Variants in KATNIP observed in about 807,000 individuals in gnomAD.
KATNIP encodes the protein katanin-interacting protein.
A neutral mutation model predicts 174.0 loss-of-function variants in KATNIP; 126 were observed. That is an observed-to-expected ratio of 0.72 (90% CI 0.63 to 0.84). The LOEUF is 0.84. KATNIP is among the 40% of genes least tolerant of loss of function. The pLI, the probability that KATNIP is intolerant of heterozygous loss-of-function variation, is 0.00. For synonymous variants in KATNIP, 810 were observed against 835.7 expected (o/e 0.97, Z 0.53); for missense variants, 1,958 against 2,109.7 (o/e 0.93, Z 1.41).
At chr16:27,589,396 C>T (rs1012539709) in intron 2 of KATNIP, among the ~76,000 whole-genome samples, 2 of 152,194 alleles carry the variant, frequency 1.3e-5, no homozygotes, top group African/African-American at 4.8e-5. Flanking sequence ...CAAAAGCAGC[C>T]ATAGTCAATA....
chr16:27,581,805 A>G (rs2090709368), intron 2 of KATNIP, among the ~76,000 whole-genome samples: 1 of 152,018 alleles, frequency 6.6e-6, no homozygotes. Context: ...TTGCATCCTC[A>G]TAGCTTAGCT....
At chr16:27,657,539 C>A (rs2077338027) in intron 6 of KATNIP, among the ~76,000 whole-genome samples, 1 of 151,322 alleles carries the variant, frequency 6.6e-6, no homozygotes, top group Admixed American at 6.6e-5. Flanking sequence ...CCAGCCTGGC[C>A]AACATGGCAA....
At chr16:27,660,873 A>G (rs537718899) in intron 6 of KATNIP, among the ~76,000 whole-genome samples, 2 of 152,262 alleles carry the variant, frequency 1.3e-5, no homozygotes, top group African/African-American at 4.8e-5. Flanking sequence ...TCTAAGCTTC[A>G]TGATAGCAGA....
intron 2 of KATNIP, among the ~76,000 whole-genome samples, chr16:27,593,585 G>T (rs1334883418): frequency 6.6e-6 from 1 of 152,006 alleles, no homozygotes; most frequent in Non-Finnish European, 1.5e-5. Flanking sequence ...AGGCTGGAAT[G>T]CAGTGGCATG....
At chr16:27,698,124 C>CT (rs373732782) in intron 8 of KATNIP, among the ~76,000 whole-genome samples, 237 of 152,316 alleles carry the variant, frequency 1.6e-3, no homozygotes, top group African/African-American at 4.9e-3. Flanking sequence ...GACCAAGTCC[C>CT]CCCAGGGCCA....
chr16:27,742,950 C>T (rs758742579), intron 15 of KATNIP, among the ~76,000 whole-genome samples: 14 of 152,050 alleles, frequency 9.2e-5, no homozygotes, highest in East Asian at 7.7e-4. Flanking sequence ...CCTATCAACC[C>T]GTCACCTAGG....
At chr16:27,660,026 G>A (rs2077419898) in intron 6 of KATNIP, 1 of 983,344 alleles carries the variant, frequency 1.0e-6, no homozygotes, top group Admixed American at 6.2e-5. Context: ...GTCGGAGTTT[G>A]CGAGTCTTGT....
At chr16:27,562,180 G>A (rs2089909558) in intron 1 of KATNIP, among the ~76,000 whole-genome samples, 1 of 152,162 alleles carries the variant, frequency 6.6e-6, no homozygotes, top group African/African-American at 2.4e-5. Context: ...GGTGGCACAT[G>A]CCTGTAGTCC....
rs1329963991 is a variant in KATNIP at position 27,659,965 on chromosome 16, C to T, written c.540+11230C>T. The T allele has an allele frequency of 6.1e-6, 6 of 982,594 alleles. No individual in the cohort carries two copies. In the Admixed American group the frequency reaches 1.8e-4, roughly 30 times the overall value. 60.9% of individuals were successfully genotyped at this position (982,594 alleles called of 1,614,324 possible). A position where few individuals can be genotyped will look rare whatever the true frequency, so the allele number is the denominator to read the frequency against. On this transcript the variant is annotated intron_variant, in intron 6 of 27. Coordinates refer to ENST00000261588, the MANE Select transcript of KATNIP (RefSeq NM_015202.5). Reference sequence around the variant, plus strand: ...GGCCTGGTCCCCACTACCTATTGTACAACACTGTGGTTTATTTGATAGTTT... The same window carrying T: ...GGCCTGGTCCCCACTACCTATTGTATAACACTGTGGTTTATTTGATAGTTT...
At chr16:27,624,684 G>A (rs2076283918) in intron 3 of KATNIP, among the ~76,000 whole-genome samples, 1 of 152,104 alleles carries the variant, frequency 6.6e-6, no homozygotes, top group Non-Finnish European at 1.5e-5. Context: ...GCCGGGTGTG[G>A]TGGCACGCAC....
At chr16:27,718,116 T>C (rs1266991398) in intron 13 of KATNIP, 10 of 152,264 alleles carry the variant, frequency 6.6e-5, no homozygotes, top group Admixed American at 6.5e-4. Flanking sequence ...AATGAATTAA[T>C]GCATGAAAGA....
chr16:27,693,962 G>C (rs755912448), intron 8 of KATNIP, among the ~76,000 whole-genome samples: 1 of 152,204 alleles, frequency 6.6e-6, no homozygotes, highest in African/African-American at 2.4e-5. Context: ...ATAAGGCAAG[G>C]ATTGTCTGGA....
At chr16:27,705,241 T>G (rs1167445264) in intron 12 of KATNIP, among the ~76,000 whole-genome samples, 3 of 152,134 alleles carry the variant, frequency 2.0e-5, no homozygotes, top group Non-Finnish European at 4.4e-5. Context: ...AAGGTGTGTG[T>G]CCCAGCACTC....
intron 2 of KATNIP, among the ~76,000 whole-genome samples, chr16:27,608,652 G>T (rs1387707683): frequency 6.6e-6 from 1 of 151,938 alleles, no homozygotes; most frequent in Non-Finnish European, 1.5e-5. Flanking sequence ...CAAGTAGCTG[G>T]GACTACAGCC....
Position 27,750,454 on chromosome 16 carries a change from C to G in KATNIP, c.3346+148C>G, listed in dbSNP as rs1429936870. 1.7e-4 allele frequency: 147 copies of G among 873,198 alleles called. 2 individuals carry two copies. The highest frequency in any genetic ancestry group is 6.1e-4 in the South Asian group (34 of 55,358). The allele number at this position is 873,198 out of a possible 1,614,324, so 54.1% of individuals were successfully genotyped here. ...TTTTTTTTTGAGACGGAGTCTTGCT[C>G]TGTCCCCCAGGCTGGAGTGCAGTGG... is the stretch of plus-strand genomic sequence containing the variant. On this transcript the variant is annotated intron_variant, in intron 16 of 27. Transcript: ENST00000261588.
intron 12 of KATNIP, among the ~76,000 whole-genome samples, chr16:27,704,971 C>T (rs952264463): frequency 6.8e-6 from 1 of 147,612 alleles, no homozygotes; most frequent in Non-Finnish European, 1.5e-5. Flanking sequence ...AGTGCAGTGG[C>T]ACCATCTTGG....
chr16:27,640,766 A>C (rs895540337), intron 5 of KATNIP, among the ~76,000 whole-genome samples: 1 of 149,734 alleles, frequency 6.7e-6, no homozygotes, highest in Non-Finnish European at 1.5e-5. Flanking sequence ...TCAGTGCCTT[A>C]ATGCCGACTG....
chr16:27,767,665 C>A (rs941387770), intron 20 of KATNIP, among the ~76,000 whole-genome samples: 1 of 152,184 alleles, frequency 6.6e-6, no homozygotes, highest in Non-Finnish European at 1.5e-5. Flanking sequence ...GAGCTATGAT[C>A]TCATCATTGC....
chr16:27,703,360 G>A (rs1175820676), intron 11 of KATNIP, among the ~76,000 whole-genome samples: 6 of 152,150 alleles, frequency 3.9e-5, no homozygotes, highest in Non-Finnish European at 5.9e-5. Flanking sequence ...ATGAAGGCAC[G>A]CTCTGCTGGG....
Sources: gnomAD v4.1 joint callset for allele counts (sites outside exome capture counted in the v4.1 genomes callset) on GRCh38, gnomAD v4.1.1 for gene constraint, MANE v1.5 for transcripts, NCBI Gene and HGNC (gene_info 2026-07-23, HGNC 2026-07-21) for gene names.